Variants in PPWD1 observed in about 807,000 individuals in gnomAD.
The protein encoded by PPWD1 is peptidylprolyl isomerase domain and WD repeat containing 1.
In PPWD1, 43 loss-of-function variants were observed where a neutral mutation model predicts 68.8. The ratio of observed to expected loss-of-function variants is 0.62; its 90% confidence interval spans 0.49 to 0.81. The LOEUF (loss-of-function observed/expected upper bound fraction) is 0.81. PPWD1 is among the 30% of genes least tolerant of loss of function. The probability of loss-of-function intolerance (pLI) is 0.00; values close to 1 mark genes in which losing one functional copy is unlikely to be tolerated. For missense variants in PPWD1, 672 were observed against 804.8 expected (o/e 0.83, Z 2.00); for synonymous variants, 232 against 258.7 (o/e 0.90, Z 0.99).
rs1193623088 is a variant in PPWD1, at chr5:65,569,622, A to T, written c.300-10A>T. 1 of 1,557,214 alleles carries T rather than the reference A, an allele frequency of 6.4e-7. No individual in the cohort carries two copies. The highest frequency in any genetic ancestry group is 8.8e-7 in the Non-Finnish European group (1 of 1,137,812). ...CTTAGAAATTAACTTTTAACATTTC[A>T]TATATGCAGAACAGATTTTATTATT... On this transcript the variant is annotated splice_polypyrimidine_tract_variant and intron_variant, in intron 2 of 10. Transcript: ENST00000261308.
intron 2 of PPWD1, chr5:65,568,880 T>C (rs146688769): frequency 8.6e-5 from 39 of 455,214 alleles, no homozygotes; most frequent in Non-Finnish European, 1.3e-4. Flanking sequence ...GCTGTCACTC[T>C]CTTCTCAAAT....
At position 65,579,231 on chromosome 5, in the gene PPWD1, T is replaced by TTA. The variant is rs1554122946; in HGVS notation, c.1161-193_1161-192insTA. On this transcript the variant is annotated intron_variant, in intron 6 of 10. Transcript: ENST00000261308. ...CGTGCCTGGCCTCATTTCTGTTTTT[T>TTA]AACCTGAAAATTATAGCTGCCTACC... The TTA allele has an allele frequency of 1.4e-4, 137 of 979,422 alleles. No individual in the cohort carries two copies. In the African/African-American group the frequency reaches 2.3e-3, roughly 16 times the overall value. The allele number at this position is 979,422 out of a possible 1,614,324, so 60.7% of individuals were successfully genotyped here.
intron 7 of PPWD1, chr5:65,582,715 C>T (rs1160441264): frequency 1.1e-5 from 2 of 174,600 alleles, no homozygotes; most frequent in Admixed American, 1.2e-4. Context: ...TTAGGCCTTA[C>T]TAGAAGGCAT....
At chr5:65,564,783 T>C (rs1752634519) in intron 1 of PPWD1, among the ~76,000 whole-genome samples, 1 of 152,216 alleles carries the variant, frequency 6.6e-6, no homozygotes, top group Admixed American at 6.5e-5. Flanking sequence ...TCTTGTACTT[T>C]TTTTTCCTCT....
rs1201731198 is a variant in PPWD1 at position 65,572,394 on chromosome 5, T to C, written c.969+108T>C. On this transcript the variant is annotated intron_variant, in intron 5 of 10. Coordinates refer to ENST00000261308, the MANE Select transcript of PPWD1 (RefSeq NM_015342.4). ...ACAGATAGACATTTAGATAGACTTATTTTTTTCTTAGCACATTAGAGATAT... is the reference window on the plus strand; with the variant it reads ...ACAGATAGACATTTAGATAGACTTACTTTTTTCTTAGCACATTAGAGATAT... 12 of 1,181,072 alleles carry C rather than the reference T, an allele frequency of 1.0e-5. No homozygotes were observed. In the South Asian group the frequency reaches 1.5e-4, roughly 15 times the overall value. 73.2% of individuals were successfully genotyped at this position (1,181,072 alleles called of 1,614,324 possible).
Position 65,584,994 on chromosome 5 carries a change from TG to T in PPWD1, c.1533-19del, listed in dbSNP as rs749339511. On this transcript the variant is annotated intron_variant, in intron 8 of 10. Transcript: ENST00000261308. ...AGATGCTCTGAATAGGTTTCATATTTGTAACATATGTCTTAATAGGTGCCCT... is the reference window on the plus strand; with the variant it reads ...AGATGCTCTGAATAGGTTTCATATTTTAACATATGTCTTAATAGGTGCCCT... 27 of 1,608,088 alleles carry T rather than the reference TG, an allele frequency of 1.7e-5. No homozygotes were observed. Among genetic ancestry groups the T allele is most frequent in the Middle Eastern group, 1.7e-4 (1 of 6,030 alleles).
At chr5:65,576,217 A>C (rs1753272951) in intron 5 of PPWD1, 1 of 626,910 alleles carries the variant, frequency 1.6e-6, no homozygotes, top group Admixed American at 6.3e-5. Flanking sequence ...TAGACACTTT[A>C]AAATTACCTA....
At chr5:65,585,666 G>A (rs1038551904) in intron 9 of PPWD1, among the ~76,000 whole-genome samples, 1 of 152,082 alleles carries the variant, frequency 6.6e-6, no homozygotes, top group Non-Finnish European at 1.5e-5. Context: ...GAGTATTTGG[G>A]GAAAGGGAGA....
At chr5:65,569,777 A>G (rs1554121704) in intron 3 of PPWD1, 45 bp downstream of exon 3, 8 of 1,569,426 alleles carry the variant, frequency 5.1e-6, no homozygotes, top group Non-Finnish European at 6.9e-6. Context: ...CCTAAACTAT[A>G]CTAATTAAAG....
intron 4 of PPWD1, among the ~76,000 whole-genome samples, chr5:65,570,773 CT>C (rs1331316219): frequency 6.6e-6 from 1 of 151,940 alleles, no homozygotes; most frequent in African/African-American, 2.4e-5. Context: ...AAAGGGAGAT[CT>C]TTTTTTCTTC....
chr5:65,565,859 T>G (rs1220492399), intron 1 of PPWD1, among the ~76,000 whole-genome samples: 1 of 149,858 alleles, frequency 6.7e-6, no homozygotes, highest in Non-Finnish European at 1.5e-5. Flanking sequence ...AGAAAAAAAT[T>G]GAAACTAAAA....
chr5:65,571,776 G>C (rs1252732719), intron 4 of PPWD1, 63 bp from the exon 5 acceptor site: 1 of 1,558,896 alleles, frequency 6.4e-7, no homozygotes, highest in Non-Finnish European at 8.7e-7. Flanking sequence ...TAGTGGGATA[G>C]GGAGGGATGC....
chr5:65,579,746 T>A, intron 7 of PPWD1, 133 bp downstream of exon 7: 2 of 528,294 alleles, frequency 3.8e-6, no homozygotes, highest in Non-Finnish European at 6.1e-6. Flanking sequence ...AATACCATCT[T>A]ACATTAATAT....
intron 1 of PPWD1, 183 bp downstream of exon 1, chr5:65,563,689 C>T: frequency 1.5e-6 from 2 of 1,364,914 alleles, no homozygotes; most frequent in South Asian, 1.3e-5. Context: ...AAGCGTAGTA[C>T]AACGTCTTTT....
intron 9 of PPWD1, 78 bp downstream of exon 9, chr5:65,585,173 C>T (rs773892310): frequency 4.1e-5 from 56 of 1,368,452 alleles, no homozygotes; most frequent in Non-Finnish European, 5.2e-5. Flanking sequence ...AAGGAATCTT[C>T]TTCTCTCACA....
rs1753836152 is a variant in PPWD1, at chr5:65,586,105, G to C, written c.1721G>C (p.Arg574Thr). 6.2e-7 allele frequency: 1 copy of C among 1,613,476 alleles called. No homozygotes were observed. Among genetic ancestry groups the C allele is most frequent in the Non-Finnish European group, 8.5e-7 (1 of 1,179,500 alleles). Residue 574 changes from arginine (R) to threonine (T), a missense_variant, in exon 10 of 11, where the codon AGG becomes ACG. Arg to Thr is a moderately conservative substitution (Grantham distance 71). Coordinates refer to ENST00000261308, the MANE Select transcript of PPWD1 (RefSeq NM_015342.4). ...DEFHSTLRHD[R>T]PYTLSMANAG... ...TTTCATTCAACATTACGACATGACA[G>C]GCCATACACACTCAGCATGGCTAAC...
At chr5:65,573,475 AT>A (rs71728896) in intron 5 of PPWD1, among the ~76,000 whole-genome samples, 15 of 67,752 alleles carry the variant, frequency 2.2e-4, no homozygotes, top group East Asian at 1.2e-3. Flanking sequence ...ATATATATAT[AT>A]TTTTTTTTTA....
intron 2 of PPWD1, 123 bp downstream of exon 2, chr5:65,567,738 C>G (rs1752841887): frequency 7.3e-7 from 1 of 1,360,986 alleles, no homozygotes. Context: ...TTCTTAAGTT[C>G]TGAAATAAAG....
chr5:65,570,890 G>C (rs1345167548), intron 4 of PPWD1, among the ~76,000 whole-genome samples: 3 of 151,896 alleles, frequency 2.0e-5, no homozygotes, highest in Non-Finnish European at 4.4e-5. Flanking sequence ...TCCAACTGAT[G>C]GAATTCCAAC....
Sources: allele counts gnomAD v4.1 joint callset (sites outside exome capture counted in the v4.1 genomes callset), GRCh38; gene constraint gnomAD v4.1.1; transcripts MANE v1.5; gene names NCBI Gene and HGNC (gene_info 2026-07-23, HGNC 2026-07-21).